Variants in JAM3 observed in about 807,000 individuals in gnomAD.
JAM3 encodes junctional adhesion molecule C.
Under a neutral mutation model 39.4 loss-of-function variants are expected in JAM3, and 31 were observed. The ratio of observed to expected loss-of-function variants is 0.79; its 90% CI spans 0.59 to 1.06. The LOEUF is 1.06. Among genes scored for constraint, JAM3 ranks in the 50% least tolerant of loss-of-function variants. The pLI, the probability that JAM3 is intolerant of heterozygous loss-of-function variation, is 0.00. For synonymous variants in JAM3, 182 were observed against 148.7 expected (o/e 1.22, Z -1.63); for missense variants, 455 against 391.4 (o/e 1.16, Z -1.37).
At chr11:134,118,817 T>G (rs1240322513) in intron 1 of JAM3, among the ~76,000 whole-genome samples, 1 of 152,216 alleles carries the variant, frequency 6.6e-6, no homozygotes, top group Non-Finnish European at 1.5e-5. Context: ...ACTTATGCTT[T>G]AAAAGCCTTT....
intron 1 of JAM3, among the ~76,000 whole-genome samples, chr11:134,114,296 C>A (rs1020551025): frequency 6.6e-6 from 1 of 152,002 alleles, no homozygotes; most frequent in African/African-American, 2.4e-5. Context: ...TGGTTTTCTT[C>A]TAGGGTTTTT....
intron 1 of JAM3, among the ~76,000 whole-genome samples, chr11:134,120,597 A>T (rs1942512512): frequency 6.6e-6 from 1 of 152,242 alleles, no homozygotes. Flanking sequence ...CCCGTCTCCC[A>T]GTGCCCCAGC....
At chr11:134,148,500 AACAG>A in intron 6 of JAM3, 43 bp from the exon 7 acceptor site, 1 of 1,613,774 alleles carries the variant, frequency 6.2e-7, no homozygotes, top group Non-Finnish European at 8.5e-7. Flanking sequence ...CTTTTTAAAT[AACAG>A]ATAGTGTGTA....
intron 1 of JAM3, among the ~76,000 whole-genome samples, chr11:134,096,492 G>C (rs1941986593): frequency 6.6e-6 from 1 of 152,170 alleles, no homozygotes; most frequent in Non-Finnish European, 1.5e-5. Flanking sequence ...CCAGTACATA[G>C]TAGTGTTTTA....
chr11:134,112,498 T>G (rs891172652), intron 1 of JAM3, among the ~76,000 whole-genome samples: 2 of 152,302 alleles, frequency 1.3e-5, no homozygotes, highest in Admixed American at 1.3e-4. Flanking sequence ...TTATATAAAT[T>G]ATATATGCTG....
intron 1 of JAM3, among the ~76,000 whole-genome samples, chr11:134,079,267 T>G (rs1026012211): frequency 6.6e-6 from 1 of 152,194 alleles, no homozygotes; most frequent in African/African-American, 2.4e-5. Context: ...ACTTAAACTT[T>G]GGAGAATTAT....
intron 1 of JAM3, among the ~76,000 whole-genome samples, chr11:134,072,845 G>A (rs1268258092): frequency 6.6e-6 from 1 of 152,172 alleles, no homozygotes; most frequent in Non-Finnish European, 1.5e-5. Context: ...GGGAGGTGGA[G>A]GTTGCAGTGA....
intron 1 of JAM3, among the ~76,000 whole-genome samples, chr11:134,124,543 C>T (rs1426093846): frequency 1.3e-5 from 2 of 152,318 alleles, no homozygotes; most frequent in East Asian, 1.9e-4. Context: ...CCAAATTCAA[C>T]TTGGGCCTCA....
chr11:134,124,072 A>G (rs879022394), intron 1 of JAM3: 2 of 1,487,856 alleles, frequency 1.3e-6, no homozygotes, highest in Admixed American at 1.7e-5. Flanking sequence ...AATTTGGTTT[A>G]TAACAGGTTT....
At chr11:134,113,575 C>T (rs1942363339) in intron 1 of JAM3, among the ~76,000 whole-genome samples, 1 of 152,208 alleles carries the variant, frequency 6.6e-6, no homozygotes, top group African/African-American at 2.4e-5. Flanking sequence ...GCCACATTTT[C>T]TTAATCCAGT....
chr11:134,074,263 G>C (rs1941529064), intron 1 of JAM3, among the ~76,000 whole-genome samples: 1 of 152,148 alleles, frequency 6.6e-6, no homozygotes, highest in Admixed American at 6.5e-5. Flanking sequence ...TTTCCTGGTT[G>C]ATTCTTGTAT....
intron 1 of JAM3, among the ~76,000 whole-genome samples, chr11:134,103,831 T>C (rs986041228): frequency 7.9e-5 from 12 of 152,100 alleles, no homozygotes; most frequent in African/African-American, 2.7e-4. Context: ...ATATATGCAC[T>C]CAATACAGGA....
chr11:134,094,918 A>G (rs1025645926), intron 1 of JAM3, among the ~76,000 whole-genome samples: 12 of 152,244 alleles, frequency 7.9e-5, no homozygotes, highest in African/African-American at 2.9e-4. Context: ...TGAATAAATG[A>G]CTGAATATAT....
At chr11:134,147,543 G>A (rs1417960191) in intron 6 of JAM3, among the ~76,000 whole-genome samples, 1 of 150,132 alleles carries the variant, frequency 6.7e-6, no homozygotes, top group African/African-American at 2.4e-5. Context: ...CTGGAGTGCA[G>A]TGGCACAATC....
At chr11:134,076,694 G>A (rs1941576239) in intron 1 of JAM3, among the ~76,000 whole-genome samples, 1 of 151,762 alleles carries the variant, frequency 6.6e-6, no homozygotes, top group African/African-American at 2.4e-5. Flanking sequence ...ACCACACTGG[G>A]GGAAGTATTT....
chr11:134,137,454 TAAGAG>T (rs1411460336), intron 1 of JAM3, among the ~76,000 whole-genome samples: 2 of 152,202 alleles, frequency 1.3e-5, no homozygotes, highest in African/African-American at 2.4e-5. Flanking sequence ...TCATACTTCT[TAAGAG>T]AAAAGATGTG....
chr11:134,072,147 T>C (rs973538240), intron 1 of JAM3, among the ~76,000 whole-genome samples: 2 of 152,198 alleles, frequency 1.3e-5, no homozygotes, highest in Non-Finnish European at 2.9e-5. Context: ...GCTATGGATT[T>C]AGTACATTCG....
At chr11:134,138,135 A>G (rs1023592554) in intron 1 of JAM3, among the ~76,000 whole-genome samples, 1 of 131,640 alleles carries the variant, frequency 7.6e-6, no homozygotes, top group African/African-American at 3.2e-5. Context: ...ACTGAGAGAA[A>G]TGTTTATGGC....
chr11:134,124,241 C>G, intron 1 of JAM3: 1 of 1,242,808 alleles, frequency 8.0e-7, no homozygotes, highest in Non-Finnish European at 1.2e-6. Flanking sequence ...CCTCTGGGAA[C>G]TCGTTGAGAG....
Sources: gnomAD v4.1 joint callset for allele counts (sites outside exome capture counted in the v4.1 genomes callset) on GRCh38, gnomAD v4.1.1 for gene constraint, MANE v1.5 for transcripts, NCBI Gene and HGNC (gene_info 2026-07-23, HGNC 2026-07-21) for gene names.